Variants in MTHFD1L observed in about 807,000 individuals in gnomAD.
MTHFD1L encodes the protein monofunctional C1-tetrahydrofolate synthase, mitochondrial.
MTHFD1L carries 81 observed loss-of-function variants against 119.5 expected under a neutral mutation model. The observed-to-expected ratio is 0.68, with a 90% CI of 0.57 to 0.82. The LOEUF is 0.82. Ranked by LOEUF, MTHFD1L falls within the 40% of genes least tolerant of loss-of-function variation. The pLI is 0.00. For synonymous variants in MTHFD1L, 430 were observed against 475.2 expected, an observed-to-expected ratio of 0.90 and a Z score of 1.24; for missense variants, 1,125 against 1,253.4, an observed-to-expected ratio of 0.90 and a Z score of 1.55.
intron 26 of MTHFD1L, among the ~76,000 whole-genome samples, chr6:151,088,623 ATTTT>A (rs71014539): frequency 1.1e-4 from 14 of 128,636 alleles, no homozygotes; most frequent in East Asian, 6.9e-4. Flanking sequence ...CACCCAGCTA[ATTTT>A]TTTTTTTTTT....
chr6:151,014,849 G>A (rs1475604445), intron 22 of MTHFD1L, 31 bp from the exon 23 acceptor site: 2 of 1,580,086 alleles, frequency 1.3e-6, no homozygotes, highest in Non-Finnish European at 1.7e-6. Flanking sequence ...AATACACAGG[G>A]GTCTGGGTTT....
chr6:151,015,067 C>T, intron 23 of MTHFD1L, 87 bp downstream of exon 23: 2 of 1,071,226 alleles, frequency 1.9e-6, no homozygotes, highest in Non-Finnish European at 2.8e-6. Flanking sequence ...TTTGGTCTTT[C>T]TGTGCTTCAT....
intron 16 of MTHFD1L, among the ~76,000 whole-genome samples, chr6:150,953,962 A>G (rs1795223122): frequency 6.6e-6 from 1 of 152,042 alleles, no homozygotes; most frequent in Non-Finnish European, 1.5e-5. Context: ...CTTATAGCTG[A>G]AAAACTCATA....
At chr6:150,886,383 C>T (rs1047818822) in intron 6 of MTHFD1L, among the ~76,000 whole-genome samples, 3 of 139,864 alleles carry the variant, frequency 2.1e-5, no homozygotes, top group Non-Finnish European at 4.6e-5. Context: ...TTACAGTGAG[C>T]TGTGATTGCA....
rs1010702272 is a variant in MTHFD1L at position 150,882,938 on chromosome 6, A to G, written c.542+52A>G. 6 of 1,461,118 alleles carry G rather than the reference A, an allele frequency of 4.1e-6. No homozygotes were observed. The African/African-American group carries it at 5.9e-5, about 14-fold the overall frequency. The allele number at this position is 1,461,118 out of a possible 1,614,324, so 90.5% of individuals were successfully genotyped here. On this transcript the variant is annotated intron_variant, in intron 5 of 27. Transcript: ENST00000367321. ...CCTTTATGGCTAAATCACTTTTTCT[A>G]TTGTGCCTGCTTTTATTTTTCTAAA...
intron 26 of MTHFD1L, among the ~76,000 whole-genome samples, chr6:151,076,632 CAG>C (rs1792550042): frequency 7.0e-6 from 1 of 142,108 alleles, no homozygotes; most frequent in African/African-American, 2.6e-5. Context: ...GCCTGGGTGA[CAG>C]AGTGATACTC....
chr6:150,948,991 T>C (rs1356873215), intron 15 of MTHFD1L, 40 bp from the exon 16 acceptor site: 1 of 1,536,572 alleles, frequency 6.5e-7, no homozygotes, highest in East Asian at 2.3e-5. Flanking sequence ...GCTTTCTGTT[T>C]CTTCTCAAAC....
At chr6:150,867,178 T>G (rs1778520925) in intron 1 of MTHFD1L, among the ~76,000 whole-genome samples, 1 of 152,160 alleles carries the variant, frequency 6.6e-6, no homozygotes, top group African/African-American at 2.4e-5. Flanking sequence ...ATTTATTTAG[T>G]TTTTCTTGTT....
intron 26 of MTHFD1L, among the ~76,000 whole-genome samples, chr6:151,053,624 CT>C (rs1789425076): frequency 6.6e-6 from 1 of 152,160 alleles, no homozygotes; most frequent in Non-Finnish European, 1.5e-5. Context: ...CTTTGGGAGG[CT>C]GAGGCAGGTG....
intron 26 of MTHFD1L, among the ~76,000 whole-genome samples, chr6:151,051,594 C>T (rs188748048): frequency 1.1e-4 from 16 of 152,240 alleles, no homozygotes; most frequent in East Asian, 9.7e-4. Flanking sequence ...CTCACAGGGC[C>T]GTGCATGCTG....
intron 1 of MTHFD1L, chr6:150,866,317 C>G: frequency 6.9e-7 from 1 of 1,459,712 alleles, no homozygotes; most frequent in East Asian, 3.0e-5. Flanking sequence ...GCGGCATGGA[C>G]CGCACGCCCG....
At chr6:151,037,196 C>G (rs1199268282) in intron 26 of MTHFD1L, 79 bp downstream of exon 26, 17 of 1,464,914 alleles carry the variant, frequency 1.2e-5, no homozygotes, top group Non-Finnish European at 1.5e-5. Context: ...TCCGCCCGCT[C>G]TTTAAAAATC....
chr6:151,090,782 C>T (rs1234808928), intron 26 of MTHFD1L, among the ~76,000 whole-genome samples: 2 of 152,250 alleles, frequency 1.3e-5, no homozygotes, highest in Non-Finnish European at 2.9e-5. Context: ...ATGGCATTAA[C>T]CCTCGGGAGA....
At chr6:150,900,336 C>T (rs1784913822) in intron 7 of MTHFD1L, among the ~76,000 whole-genome samples, 1 of 152,136 alleles carries the variant, frequency 6.6e-6, no homozygotes, top group Non-Finnish European at 1.5e-5. Context: ...CCCTTCGTAG[C>T]TCCTGAGCCA....
chr6:150,882,736 A>G, intron 4 of MTHFD1L, 26 bp from the exon 5 acceptor site: 1 of 1,427,400 alleles, frequency 7.0e-7, no homozygotes, highest in East Asian at 2.7e-5. Context: ...ACTAATTTTT[A>G]TTTTGTTTTT....
At position 150,887,950 on chromosome 6, in the gene MTHFD1L, T is replaced by G. The variant is rs1782591676; in HGVS notation, c.749T>G (p.Ile250Ser). ...FQRKGSMTMS[I>S]QWKTRQLQSK... The stretch of plus-strand genomic sequence containing the variant: ...AGAAAAGGGTCCATGACAATGAGCA[T>G]CCAGTGGAAAACACGCCAGCTTCAA... The change falls in exon 7 of 28, where the codon ATC (isoleucine) becomes AGC (serine). Residue 250 changes from isoleucine (I) to serine (S), a missense_variant. Ile to Ser is a moderately radical substitution (Grantham distance 142). This residue lies in a region of MTHFD1L where 1,058 missense variants were observed against 1,151.2 expected (regional missense o/e 0.92). Coordinates refer to ENST00000367321, the MANE Select transcript of MTHFD1L (RefSeq NM_015440.5). 6.2e-7 allele frequency: 1 copy of G among 1,606,954 alleles called. No homozygotes were observed. The highest frequency in any genetic ancestry group is 1.3e-5 in the African/African-American group (1 of 74,710).
At chr6:150,908,094 A>C (rs1786245026) in intron 8 of MTHFD1L, among the ~76,000 whole-genome samples, 1 of 149,434 alleles carries the variant, frequency 6.7e-6, no homozygotes, top group Non-Finnish European at 1.5e-5. Flanking sequence ...TTTTAGTAGA[A>C]GTGTGGATGC....
chr6:150,914,124 C>T (rs765903382), intron 8 of MTHFD1L, among the ~76,000 whole-genome samples: 14 of 150,702 alleles, frequency 9.3e-5, no homozygotes, highest in African/African-American at 1.2e-4. Flanking sequence ...AGCAACAGTC[C>T]GTCTCAAAAA....
intron 21 of MTHFD1L, among the ~76,000 whole-genome samples, chr6:151,010,460 C>T (rs1325142429): frequency 6.6e-6 from 1 of 152,158 alleles, no homozygotes; most frequent in Non-Finnish European, 1.5e-5. Flanking sequence ...AAACTATTTT[C>T]CTTCTCTTTC....
Sources: gnomAD v4.1 joint callset for allele counts (sites outside exome capture counted in the v4.1 genomes callset) on GRCh38, gnomAD v4.1.1 for gene constraint, gnomAD v4.1.1 regional missense constraint, MANE v1.5 for transcripts, NCBI Gene and HGNC (gene_info 2026-07-23, HGNC 2026-07-21) for gene names.